SMYD3: variants seen among roughly 807,000 people sequenced by gnomAD.
SMYD3 encodes histone-lysine N-methyltransferase SMYD3.
A neutral mutation model predicts 57.7 loss-of-function variants in SMYD3; 36 were observed. The ratio of observed to expected loss-of-function variants is 0.62; its 90% confidence interval spans 0.48 to 0.82. The LOEUF (loss-of-function observed/expected upper bound fraction) is 0.82, where lower values mean the gene tolerates loss of function less well. Among genes scored for constraint, SMYD3 ranks in the 40% least tolerant of loss-of-function variants. The probability of loss-of-function intolerance (pLI) is 0.00; values close to 1 mark genes in which losing one functional copy is unlikely to be tolerated. For synonymous variants in SMYD3, 211 were observed against 195.0 expected (o/e 1.08, Z -0.68); for missense variants, 515 against 538.8 (o/e 0.96, Z 0.44).
chr1:246,180,331 GTATATATATAAACTACTTATA>G (rs1433118067), intron 5 of SMYD3, among the ~76,000 whole-genome samples: 34 of 141,328 alleles, frequency 2.4e-4, no homozygotes, highest in African/African-American at 8.8e-4. Context: ...ATATATATAA[GTATATATATAAACTACTTATA>G]TATATATAAG....
At chr1:245,840,938 A>G (rs929265021) in intron 10 of SMYD3, among the ~76,000 whole-genome samples, 3 of 152,222 alleles carry the variant, frequency 2.0e-5, no homozygotes, top group Admixed American at 2.0e-4. Context: ...AAGGCTTGGC[A>G]TTTGGGTAGC....
intron 5 of SMYD3, among the ~76,000 whole-genome samples, chr1:246,270,911 C>A (rs1462414499): frequency 6.6e-6 from 1 of 152,154 alleles, no homozygotes; most frequent in Admixed American, 6.5e-5. Flanking sequence ...GCCACAGTGG[C>A]TATACAGTTT....
At chr1:246,418,377 C>G (rs1314809463) in intron 1 of SMYD3, among the ~76,000 whole-genome samples, 1 of 152,172 alleles carries the variant, frequency 6.6e-6, no homozygotes. Flanking sequence ...CTAGGGGGAG[C>G]ATACAGATGG....
chr1:246,223,776 C>G (rs2063289121), intron 5 of SMYD3, among the ~76,000 whole-genome samples: 1 of 152,070 alleles, frequency 6.6e-6, no homozygotes, highest in African/African-American at 2.4e-5. Context: ...CCTTACCTGA[C>G]AAGCACAGCT....
At chr1:246,216,505 C>G (rs2063166581) in intron 5 of SMYD3, among the ~76,000 whole-genome samples, 1 of 152,026 alleles carries the variant, frequency 6.6e-6, no homozygotes, top group African/African-American at 2.4e-5. Context: ...TTAGGTATTA[C>G]AGAAAATATT....
intron 1 of SMYD3, among the ~76,000 whole-genome samples, chr1:246,367,859 TA>T (rs1452579663): frequency 6.6e-6 from 1 of 152,246 alleles, no homozygotes; most frequent in Non-Finnish European, 1.5e-5. Flanking sequence ...ATATTGATAT[TA>T]TTTTTTACCA....
intron 5 of SMYD3, among the ~76,000 whole-genome samples, chr1:246,293,169 T>C (rs2064728724): frequency 6.6e-6 from 1 of 151,708 alleles, no homozygotes; most frequent in Non-Finnish European, 1.5e-5. Context: ...TATCACCCCC[T>C]AAAGAATGTT....
intron 5 of SMYD3, among the ~76,000 whole-genome samples, chr1:246,056,306 T>C (rs1227067113): frequency 6.6e-6 from 1 of 152,078 alleles, no homozygotes; most frequent in Non-Finnish European, 1.5e-5. Context: ...TTCTATTTCA[T>C]AGGAAGCAGG....
intron 1 of SMYD3, among the ~76,000 whole-genome samples, chr1:246,362,041 C>A (rs536259905): frequency 6.6e-6 from 1 of 152,202 alleles, no homozygotes; most frequent in Admixed American, 6.5e-5. Context: ...GTGGTACGCA[C>A]CCCCAGCACC....
chr1:246,478,744 A>T lies in SMYD3; in HGVS notation c.164+28310T>A, dbSNP rs55678047. Among the ~76,000 whole-genome samples, 93 of 9,526 alleles carry T rather than the reference A, an allele frequency of 9.8e-3. 33 individuals carry two copies. The highest frequency in any genetic ancestry group is 0.028 in the East Asian group (13 of 458). The allele number at this position is 9,526 out of a possible 152,430, so 6.2% of individuals were successfully genotyped here. On this transcript the variant is annotated intron_variant, in intron 1 of 11. Coordinates refer to ENST00000490107, the MANE Select transcript of SMYD3 (RefSeq NM_001167740.2). ...GCTCATATATGCACACCTGTCCTCC[A>T]TCTGGAGCTGGTACGTAAGTGCTCA...
At chr1:246,088,692 C>T (rs1175294896) in intron 5 of SMYD3, among the ~76,000 whole-genome samples, 1 of 152,120 alleles carries the variant, frequency 6.6e-6, no homozygotes, top group African/African-American at 2.4e-5. Flanking sequence ...AGAGGTAAGT[C>T]TGAGGACATT....
chr1:245,959,986 C>T (rs1327638553), intron 5 of SMYD3, among the ~76,000 whole-genome samples: 1 of 152,068 alleles, frequency 6.6e-6, no homozygotes, highest in Non-Finnish European at 1.5e-5. Context: ...CATCATGTTG[C>T]CCAAGCTGCT....
chr1:246,017,600 T>C (rs1195636342), intron 5 of SMYD3, among the ~76,000 whole-genome samples: 1 of 152,218 alleles, frequency 6.6e-6, no homozygotes, highest in African/African-American at 2.4e-5. Context: ...TGAGTTCTCA[T>C]ATCCTATCAC....
chr1:245,752,388 T>A (rs1387258263), intron 11 of SMYD3, among the ~76,000 whole-genome samples: 5 of 152,174 alleles, frequency 3.3e-5, no homozygotes, highest in Non-Finnish European at 5.9e-5. Context: ...ACCAGCCTCT[T>A]TTTTGCCCTC....
chr1:245,926,199 T>C (rs2056358109), intron 7 of SMYD3, among the ~76,000 whole-genome samples: 1 of 152,122 alleles, frequency 6.6e-6, no homozygotes, highest in African/African-American at 2.4e-5. Context: ...CCACAAAGCA[T>C]CAGCAAGAAT....
At chr1:245,770,700 A>T (rs1276995959) in intron 10 of SMYD3, among the ~76,000 whole-genome samples, 1 of 152,230 alleles carries the variant, frequency 6.6e-6, no homozygotes, top group African/African-American at 2.4e-5. Context: ...CAGGTACTGA[A>T]ATGGTAAGGT....
intron 4 of SMYD3, among the ~76,000 whole-genome samples, chr1:246,328,220 TGATGTGGCATCAACCCAAACAGAAGGA>T (rs897419624): frequency 1.3e-5 from 2 of 151,924 alleles, no homozygotes; most frequent in African/African-American, 2.4e-5. Flanking sequence ...AAACAAGATA[TGATGTGGCATCAACCCAAACAGAAGGA>T]GATGGTTCTA....
chr1:245,852,296 T>G (rs1037927461), intron 10 of SMYD3, among the ~76,000 whole-genome samples: 1 of 133,714 alleles, frequency 7.5e-6, no homozygotes, highest in East Asian at 2.3e-4. Flanking sequence ...GAAGTAAGAC[T>G]ACAAGGCTGG....
At chr1:246,129,765 A>G (rs2061561437) in intron 5 of SMYD3, among the ~76,000 whole-genome samples, 1 of 152,170 alleles carries the variant, frequency 6.6e-6, no homozygotes, top group South Asian at 2.1e-4. Flanking sequence ...GAAAGTTCTG[A>G]ACACATTTCT....
Sources: gnomAD v4.1 joint callset for allele counts (sites outside exome capture counted in the v4.1 genomes callset) on GRCh38, gnomAD v4.1.1 for gene constraint, MANE v1.5 for transcripts, NCBI Gene and HGNC (gene_info 2026-07-23, HGNC 2026-07-21) for gene names.